Variants in CDYL2 observed in about 807,000 individuals in gnomAD.
CDYL2 encodes the protein chromodomain Y like 2.
A neutral mutation model predicts 49.4 loss-of-function variants in CDYL2; 23 were observed. The ratio of observed to expected loss-of-function variants is 0.47; its 90% CI spans 0.34 to 0.66. The LOEUF (loss-of-function observed/expected upper bound fraction) is 0.66, where lower values mean the gene tolerates loss of function less well. CDYL2 is among the 30% of genes least tolerant of loss of function. The pLI, the probability that CDYL2 is intolerant of heterozygous loss-of-function variation, is 0.01. For synonymous variants in CDYL2, 360 were observed against 268.8 expected (o/e 1.34, Z -3.32); for missense variants, 678 against 656.4 (o/e 1.03, Z -0.36).
At chr16:80,775,229 G>A (rs934296530) in intron 1 of CDYL2, among the ~76,000 whole-genome samples, 5 of 151,588 alleles carry the variant, frequency 3.3e-5, no homozygotes, top group African/African-American at 1.2e-4. Flanking sequence ...TATTATAAGT[G>A]AAGATATAAG....
chr16:80,672,599 G>GGAAAA (rs1909572891), intron 2 of CDYL2, among the ~76,000 whole-genome samples: 1 of 149,178 alleles, frequency 6.7e-6, no homozygotes, highest in African/African-American at 2.5e-5. Flanking sequence ...GGAAAGGAAA[G>GGAAAA]GAAAGGAAAG....
At chr16:80,776,887 G>A (rs1403641958) in intron 1 of CDYL2, among the ~76,000 whole-genome samples, 1 of 151,388 alleles carries the variant, frequency 6.6e-6, no homozygotes, top group African/African-American at 2.4e-5. Flanking sequence ...GCACGATCTC[G>A]ACTCACTGCA....
chr16:80,641,090 C>T (rs1199563385), intron 2 of CDYL2, among the ~76,000 whole-genome samples: 1 of 151,990 alleles, frequency 6.6e-6, no homozygotes, highest in Admixed American at 6.6e-5. Flanking sequence ...ATATCAATAT[C>T]CAAGTACAAG....
chr16:80,753,027 C>T (rs1906189054), intron 1 of CDYL2, among the ~76,000 whole-genome samples: 1 of 152,060 alleles, frequency 6.6e-6, no homozygotes, highest in South Asian at 2.1e-4. Flanking sequence ...TGACATGTGG[C>T]CTTCAAAATA....
chr16:80,801,804 G>A (rs1907935329), intron 1 of CDYL2, among the ~76,000 whole-genome samples: 1 of 152,086 alleles, frequency 6.6e-6, no homozygotes, highest in Non-Finnish European at 1.5e-5. Context: ...ATATGCTAAT[G>A]TACACTTAGC....
chr16:80,793,276 A>G, intron 1 of CDYL2, among the ~76,000 whole-genome samples: 1 of 152,238 alleles, frequency 6.6e-6, no homozygotes, highest in African/African-American at 2.4e-5. Context: ...CCTCTATCAC[A>G]TGCACACCTT....
chr16:80,721,767 G>A (rs1243354298), intron 1 of CDYL2, among the ~76,000 whole-genome samples: 1 of 152,196 alleles, frequency 6.6e-6, no homozygotes, highest in Non-Finnish European at 1.5e-5. Flanking sequence ...TGACCACAGG[G>A]AAGACAGAAG....
At chr16:80,690,769 G>A (rs1009577038) in intron 1 of CDYL2, among the ~76,000 whole-genome samples, 9 of 152,004 alleles carry the variant, frequency 5.9e-5, no homozygotes, top group Admixed American at 2.0e-4. Flanking sequence ...AGCCTCCTGC[G>A]CTGGCCTCTC....
rs1909895958 is a variant in CDYL2 at position 80,679,677 on chromosome 16, T to A, written c.616+4861A>T. 27 of 456,072 alleles carry A rather than the reference T, an allele frequency of 5.9e-5. 1 individual carries two copies. The highest frequency in any genetic ancestry group is 4.0e-4 in the South Asian group (26 of 64,554). The allele number at this position is 456,072 out of a possible 1,614,324, so 28.3% of individuals were successfully genotyped here. A position where few individuals can be genotyped will look rare whatever the true frequency, so the allele number is the denominator to read the frequency against. On this transcript the variant is annotated intron_variant, in intron 2 of 6. Transcript: ENST00000570137. Reference sequence around the variant, plus strand: ...TCACAAACTTTCTCTTTACAAAGTCTTATGAATGCCAACTCCAGGTGCAGA... The same window carrying A: ...TCACAAACTTTCTCTTTACAAAGTCATATGAATGCCAACTCCAGGTGCAGA...
chr16:80,803,223 T>C (rs117035243), intron 1 of CDYL2, among the ~76,000 whole-genome samples: 1,526 of 152,274 alleles, frequency 0.01, 20 homozygotes, highest in South Asian at 0.037. Context: ...TGGGTGTTCC[T>C]CCATTGTTTG....
At chr16:80,704,131 C>T (rs547272932) in intron 1 of CDYL2, among the ~76,000 whole-genome samples, 117 of 152,266 alleles carry the variant, frequency 7.7e-4, no homozygotes, top group Middle Eastern at 3.4e-3. Flanking sequence ...CTTTCTGAAA[C>T]CTCATTAACC....
rs1907640810 is a variant in CDYL2 at position 80,633,048 on chromosome 16, T to C, written c.805A>G (p.Thr269Ala). 1.2e-6 allele frequency: 2 copies of C among 1,614,078 alleles called. No homozygotes were observed. Among genetic ancestry groups the C allele is most frequent in the Non-Finnish European group, 1.7e-6 (2 of 1,179,998 alleles). The change falls in exon 3 of 7, where the codon ACC becomes GCC. Residue 269 changes from threonine (T) to alanine (A), a missense_variant. Coordinates refer to ENST00000570137, the MANE Select transcript of CDYL2 (RefSeq NM_152342.4). ...GFTHILLSSQ[T>A]SDNNALTPEI... ...GGTGTCAGGGCATTGTTATCCGAGG[T>C]CTGACTGGACAGCAGGATGTGCGTG...
At chr16:80,678,199 G>A (rs553100042) in intron 2 of CDYL2, among the ~76,000 whole-genome samples, 17 of 152,302 alleles carry the variant, frequency 1.1e-4, no homozygotes, top group African/African-American at 3.1e-4. Context: ...ACATAGGCAC[G>A]GGCAAGGCCT....
chr16:80,712,116 T>C (rs1000180129), intron 1 of CDYL2, among the ~76,000 whole-genome samples: 1 of 146,092 alleles, frequency 6.8e-6, no homozygotes, highest in Non-Finnish European at 1.5e-5. Flanking sequence ...TATGTGTATA[T>C]ATGTGTATAT....
intron 4 of CDYL2, among the ~76,000 whole-genome samples, chr16:80,617,643 G>A (rs978989656): frequency 8.5e-5 from 13 of 152,062 alleles, no homozygotes; most frequent in Admixed American, 2.0e-4. Flanking sequence ...GCTGATGGGC[G>A]AGCCACAGTC....
rs565490525 is a variant in CDYL2 at position 80,743,796 on chromosome 16, T to G, written c.25-58667A>C. 1.6e-4 allele frequency among the ~76,000 whole-genome samples: 25 copies of G among 152,240 alleles called. No individual in the cohort carries two copies. The South Asian group carries it at 5.2e-3, about 32-fold the overall frequency. On this transcript the variant is annotated intron_variant, in intron 1 of 6. Transcript: ENST00000570137. ...TTAATTTAACCCCTTCAAAATCAAT[T>G]AAGGATGAAGATAAGTAAGAACTGA... is the stretch of plus-strand genomic sequence containing the variant.
chr16:80,792,333 G>A (rs1385942130), intron 1 of CDYL2, among the ~76,000 whole-genome samples: 2 of 152,152 alleles, frequency 1.3e-5, no homozygotes, highest in African/African-American at 4.8e-5. Context: ...CAGGAGATGA[G>A]GACACAAAGG....
intron 3 of CDYL2, chr16:80,627,759 G>C (rs776412241): frequency 7.2e-5 from 11 of 152,166 alleles, no homozygotes; most frequent in African/African-American, 1.7e-4. Flanking sequence ...TCTTCTTAGA[G>C]GCTTCTGGGA....
intron 1 of CDYL2, among the ~76,000 whole-genome samples, chr16:80,774,197 A>C (rs907761205): frequency 5.3e-5 from 8 of 152,230 alleles, no homozygotes; most frequent in Non-Finnish European, 8.8e-5. Context: ...ATACATACAC[A>C]TAAACAATGG....
Sources: allele counts gnomAD v4.1 joint callset (sites outside exome capture counted in the v4.1 genomes callset), GRCh38; gene constraint gnomAD v4.1.1; transcripts MANE v1.5; gene names NCBI Gene and HGNC (gene_info 2026-07-23, HGNC 2026-07-21).